The following PGPEP1 variants were observed in gnomAD, a reference collection of about 807,000 sequenced individuals.
The protein encoded by PGPEP1 is pyroglutamyl-peptidase 1.
PGPEP1 carries 15 observed loss-of-function variants against 24.1 expected under a neutral mutation model. The ratio of observed to expected loss-of-function variants is 0.62; its 90% CI spans 0.42 to 0.96. PGPEP1 has a LOEUF of 0.96. Ranked by LOEUF, PGPEP1 falls within the 40% of genes least tolerant of loss-of-function variation. The pLI, the probability that PGPEP1 is intolerant of heterozygous loss-of-function variation, is 0.00. For synonymous variants in PGPEP1, 122 were observed against 116.4 expected (o/e 1.05, Z -0.31); for missense variants, 242 against 273.4 (o/e 0.89, Z 0.81).
chr19:18,347,188 C>G (rs1344912282), intron 2 of PGPEP1, among the ~76,000 whole-genome samples: 1 of 151,598 alleles, frequency 6.6e-6, no homozygotes, highest in African/African-American at 2.4e-5. Flanking sequence ...CTCAGGTGAT[C>G]CTCCCGCCCC....
chr19:18,355,952 G>T lies in PGPEP1; in HGVS notation c.145G>T (p.Val49Phe), dbSNP rs1372691538. ...SVDLHVYEIP[V>F]EYQTVQRLIP... is the part of the protein sequence containing the mutation. ...GGACCTGCATGTGTACGAGATTCCG[G>T]TTGAGTACCAAACAGTCCAGAGACT... The change falls in exon 3 of 5, where the codon GTT (valine) becomes TTT (phenylalanine). Residue 49 changes from valine to phenylalanine, a missense_variant. By Grantham distance (50) the Val-to-Phe change is conservative. Coordinates refer to ENST00000269919, the MANE Select transcript of PGPEP1 (RefSeq NM_017712.4). 3.7e-6 allele frequency: 6 copies of T among 1,613,630 alleles called. No individual in the cohort carries two copies. Among genetic ancestry groups the T allele is most frequent in the Non-Finnish European group, 5.1e-6 (6 of 1,179,720 alleles).
rs12610811 is a variant in PGPEP1, at chr19:18,368,237, C to G, written c.*4654C>G. 0.51 allele frequency: 77,488 copies of G among 151,838 alleles called. 20,000 individuals carry two copies. The highest frequency in any genetic ancestry group is 0.6 in the Middle Eastern group (176 of 294). 9.4% of individuals were successfully genotyped at this position (151,838 alleles called of 1,614,324 possible). A position where few individuals can be genotyped will look rare whatever the true frequency, so the allele number is the denominator to read the frequency against. ...CTGATCGCTTGAGGCCAGGAGTTTG[C>G]GACCAGCCTGGCCAACATAGCAAAA... On this transcript the variant is annotated 3_prime_UTR_variant, in exon 5 of 5. Transcript: ENST00000269919.
intron 2 of PGPEP1, among the ~76,000 whole-genome samples, chr19:18,354,106 A>G: frequency 6.6e-6 from 1 of 152,100 alleles, no homozygotes; most frequent in Non-Finnish European, 1.5e-5. Flanking sequence ...GTGATCCCGC[A>G]TGTCTGTAAT....
intron 2 of PGPEP1, 110 bp from the exon 3 acceptor site, chr19:18,355,785 A>G: frequency 1.4e-6 from 1 of 712,980 alleles, no homozygotes; most frequent in Non-Finnish European, 2.6e-6. Context: ...CACCCTTGCC[A>G]TCCTGCAGAA....
At chr19:18,342,010 C>T (rs1323603367) in intron 1 of PGPEP1, among the ~76,000 whole-genome samples, 3 of 151,988 alleles carry the variant, frequency 2.0e-5, no homozygotes, top group Non-Finnish European at 4.4e-5. Context: ...TGGGTTCAAG[C>T]GATTCTCCTG....
chr19:18,347,386 G>T (rs1328220498), intron 2 of PGPEP1, among the ~76,000 whole-genome samples: 3 of 143,366 alleles, frequency 2.1e-5, no homozygotes, highest in Non-Finnish European at 4.5e-5. Context: ...GGGATTACAG[G>T]CATAAACCTC....
chr19:18,353,646 A>T (rs564310296), intron 2 of PGPEP1, among the ~76,000 whole-genome samples: 112 of 152,182 alleles, frequency 7.4e-4, no homozygotes, highest in Admixed American at 1.8e-3. Context: ...GCCATTCTCC[A>T]TTCCCCTCCC....
At position 18,342,871 on chromosome 19, in the gene PGPEP1, T is replaced by G; in HGVS notation, c.47T>G (p.Phe16Cys). The change falls in exon 2 of 5, where the codon TTT (phenylalanine) becomes TGT (cysteine). Residue 16 changes from phenylalanine to cysteine, a missense_variant. Phe to Cys is a radical substitution (Grantham distance 205). Coordinates refer to ENST00000269919, the MANE Select transcript of PGPEP1 (RefSeq NM_017712.4). ...KAVVVTGFGP[F>C]GEHTVNASWI... ...CCTGTTTTTTCAGGATTTGGCCCTTTTGGGGAACACACCGTGAACGCCAGT... is the reference window on the plus strand; with the variant it reads ...CCTGTTTTTTCAGGATTTGGCCCTTGTGGGGAACACACCGTGAACGCCAGT... 1 of 1,613,858 alleles carries G rather than the reference T, an allele frequency of 6.2e-7. No individual in the cohort carries two copies. The highest frequency in any genetic ancestry group is 8.5e-7 in the Non-Finnish European group (1 of 1,179,748).
intron 2 of PGPEP1, among the ~76,000 whole-genome samples, chr19:18,346,971 C>T (rs927333443): frequency 4.6e-5 from 7 of 151,766 alleles, no homozygotes; most frequent in Non-Finnish European, 8.8e-5. Flanking sequence ...CTTCCTCTCC[C>T]TCTCGTCTCT....
intron 2 of PGPEP1, among the ~76,000 whole-genome samples, chr19:18,348,130 G>A (rs952782720): frequency 2.6e-5 from 4 of 151,988 alleles, no homozygotes; most frequent in Admixed American, 1.3e-4. Context: ...CGTGTGTCCC[G>A]TCTCCCCTAC....
intron 2 of PGPEP1, among the ~76,000 whole-genome samples, chr19:18,348,671 C>T (rs1970932045): frequency 6.6e-6 from 1 of 152,036 alleles, no homozygotes; most frequent in South Asian, 2.1e-4. Flanking sequence ...GCAGGTGGCT[C>T]CCTGCCGTTA....
rs1048664439 is a variant in PGPEP1 at position 18,364,406 on chromosome 19, G to C, written c.*823G>C. 2.6e-5 allele frequency: 4 copies of C among 151,998 alleles called. No homozygotes were observed. The highest frequency in any genetic ancestry group is 4.4e-5 in the Non-Finnish European group (3 of 68,064). 9.4% of individuals were successfully genotyped at this position (151,998 alleles called of 1,614,324 possible). A position where few individuals can be genotyped will look rare whatever the true frequency, so the allele number is the denominator to read the frequency against. The stretch of plus-strand genomic sequence containing the variant: ...GGGTGGGCGGATCACCTGAGATCAG[G>C]AGTTCAAGATCAGCCTGGCCAACAT... On this transcript the variant is annotated 3_prime_UTR_variant, in exon 5 of 5. Transcript: ENST00000269919.
chr19:18,345,778 G>A (rs1600195148), intron 2 of PGPEP1, among the ~76,000 whole-genome samples: 1 of 149,492 alleles, frequency 6.7e-6, no homozygotes, highest in African/African-American at 2.5e-5. Context: ...AGCGGCTCAC[G>A]CCTGTAATCC....
rs536183421 is a variant in PGPEP1, at chr19:18,365,409, C to T, written c.*1826C>T. The T allele has an allele frequency of 1.3e-5, 2 of 152,312 alleles. No individual in the cohort carries two copies. Among genetic ancestry groups the T allele is most frequent in the African/African-American group, 4.8e-5 (2 of 41,498 alleles). 9.4% of individuals were successfully genotyped at this position (152,312 alleles called of 1,614,324 possible). A position where few individuals can be genotyped will look rare whatever the true frequency, so the allele number is the denominator to read the frequency against. ...CCAGGCTGGAGTACAGTAGTGTGAT[C>T]ATGGATCACTGCAGCCTCTACCTCC... On this transcript the variant is annotated 3_prime_UTR_variant, in exon 5 of 5. Transcript: ENST00000269919.
At chr19:18,361,051 T>G (rs1460899970) in intron 4 of PGPEP1, among the ~76,000 whole-genome samples, 1 of 151,848 alleles carries the variant, frequency 6.6e-6, no homozygotes, top group East Asian at 1.9e-4. Flanking sequence ...AGGCTGGTGT[T>G]GAACTTCTGA....
intron 4 of PGPEP1, among the ~76,000 whole-genome samples, chr19:18,362,906 A>G (rs1470951168): frequency 2.0e-5 from 3 of 152,050 alleles, no homozygotes; most frequent in Non-Finnish European, 2.9e-5. Context: ...GGGTGATTAT[A>G]ATTTTACTAG....
intron 2 of PGPEP1, among the ~76,000 whole-genome samples, chr19:18,353,549 G>C (rs1971097080): frequency 6.6e-6 from 1 of 152,106 alleles, no homozygotes; most frequent in South Asian, 2.1e-4. Flanking sequence ...ATGGCATTAA[G>C]TACACTCACT....
chr19:18,346,633 C>CTTTTTTTTTTTTTTTTTTTTTT, intron 2 of PGPEP1, among the ~76,000 whole-genome samples: 1 of 79,534 alleles, frequency 1.3e-5, no homozygotes, highest in East Asian at 4.7e-4. Context: ...CTGTTTCTCT[C>CTTTTTTTTTTTTTTTTTTTTTT]TTTTTTTTTT....
intron 2 of PGPEP1, among the ~76,000 whole-genome samples, chr19:18,354,083 A>G (rs1971113007): frequency 6.6e-6 from 1 of 152,052 alleles, no homozygotes; most frequent in Non-Finnish European, 1.5e-5. Context: ...AAAAATACAA[A>G]AATTAGCTGG....
Sources: allele counts gnomAD v4.1 joint callset (sites outside exome capture counted in the v4.1 genomes callset), GRCh38; gene constraint gnomAD v4.1.1; transcripts MANE v1.5; gene names NCBI Gene and HGNC (gene_info 2026-07-23, HGNC 2026-07-21).